Variants in METTL6 observed in about 807,000 individuals in gnomAD.
METTL6 encodes tRNA N(3)-cytidine methyltransferase METTL6.
In METTL6, 22 loss-of-function variants were observed where a neutral mutation model predicts 26.4. The ratio of observed to expected loss-of-function variants is 0.83; its 90% CI spans 0.59 to 1.19. The LOEUF (loss-of-function observed/expected upper bound fraction) is 1.19. Ranked by LOEUF, METTL6 falls within the 50% of genes most tolerant of loss-of-function variation. The probability of loss-of-function intolerance (pLI) is 0.00; values close to 1 mark genes in which losing one functional copy is unlikely to be tolerated. For synonymous variants in METTL6, 109 were observed against 116.2 expected (o/e 0.94, Z 0.40); for missense variants, 304 against 324.8 (o/e 0.94, Z 0.49).
At chr3:15,425,891 T>C (rs1026976973) in intron 2 of METTL6, among the ~76,000 whole-genome samples, 1 of 152,242 alleles carries the variant, frequency 6.6e-6, no homozygotes, top group Non-Finnish European at 1.5e-5. Context: ...ATAGGCTTCT[T>C]AAATTCTCTA....
In METTL6 at chr3:15,411,135, TC is replaced by T; in HGVS notation, c.*120del. 2 of 1,086,878 alleles carry T rather than the reference TC, an allele frequency of 1.8e-6. No individual in the cohort carries two copies. The highest frequency in any genetic ancestry group is 1.3e-6 in the Non-Finnish European group (1 of 772,232). 67.3% of individuals were successfully genotyped at this position (1,086,878 alleles called of 1,614,324 possible). ...GTCTCAAACTCCTGACCTCAGATGA[TC>T]CCCCAACCTCGGCCTCCCGAAGTGC... On this transcript the variant is annotated 3_prime_UTR_variant, in exon 6 of 6. Transcript: ENST00000383790.
At chr3:15,393,470 T>A (rs957325355) in intron 6 of METTL6, among the ~76,000 whole-genome samples, 3 of 152,218 alleles carry the variant, frequency 2.0e-5, no homozygotes, top group Non-Finnish European at 2.9e-5. Flanking sequence ...CCTCTTTTCA[T>A]GATTGAATAC....
At chr3:15,391,275 C>T (rs1461028520) in intron 6 of METTL6, among the ~76,000 whole-genome samples, 3 of 152,184 alleles carry the variant, frequency 2.0e-5, no homozygotes, top group Non-Finnish European at 4.4e-5. Flanking sequence ...AAAAATGGGG[C>T]TCCTGTTTTC....
chr3:15,420,096 G>A (rs1490395023), intron 3 of METTL6, among the ~76,000 whole-genome samples: 1 of 152,022 alleles, frequency 6.6e-6, no homozygotes, highest in Admixed American at 6.6e-5. Context: ...TCCTGACCTC[G>A]TGATCTGCCC....
chr3:15,416,080 A>C (rs920324284), intron 3 of METTL6, 138 bp from the exon 4 acceptor site: 1 of 705,392 alleles, frequency 1.4e-6, no homozygotes, highest in South Asian at 2.0e-5. Flanking sequence ...AAACTGATTA[A>C]TAAATCACTC....
chr3:15,412,479 G>T (rs9841038), intron 5 of METTL6, among the ~76,000 whole-genome samples: 76,374 of 151,742 alleles, frequency 0.5, 19,598 homozygotes, highest in African/African-American at 0.59. Context: ...TTTGCATTTT[G>T]TTTTGTTTTG....
chr3:15,399,582 T>TGTGTGTG (rs1325818559), intron 6 of METTL6: 1 of 71,560 alleles, frequency 1.4e-5, no homozygotes, highest in Non-Finnish European at 3.0e-5. Flanking sequence ...GTGTGTGTGT[T>TGTGTGTG]GGAGGCTGGG....
intron 5 of METTL6, among the ~76,000 whole-genome samples, chr3:15,412,311 T>C (rs922736773): frequency 6.6e-6 from 1 of 151,986 alleles, no homozygotes; most frequent in Non-Finnish European, 1.5e-5. Context: ...ACAGAATAAA[T>C]GGTGAGGCAG....
exon 7 of METTL6, chr3:15,382,703 C>T (rs1196548088): frequency 6.7e-6 from 1 of 148,998 alleles, no homozygotes; most frequent in Non-Finnish European, 1.5e-5. Context: ...AGCATGTGTA[C>T]CTAGTTAGGA....
chr3:15,405,632 C>T (rs959536653), downstream of METTL6, among the ~76,000 whole-genome samples: 35 of 152,260 alleles, frequency 2.3e-4, 1 homozygote, highest in African/African-American at 8.4e-4. Flanking sequence ...CCTTGTGGTA[C>T]AACATTCAAA....
intron 3 of METTL6, among the ~76,000 whole-genome samples, chr3:15,423,319 G>A (rs1306307218): frequency 3.9e-5 from 6 of 152,240 alleles, no homozygotes; most frequent in Admixed American, 3.9e-4. Context: ...CTTGAACCCA[G>A]GAGGTGGAGG....
At chr3:15,424,675 A>AT (rs1224474354) in intron 3 of METTL6, among the ~76,000 whole-genome samples, 2 of 152,238 alleles carry the variant, frequency 1.3e-5, no homozygotes, top group African/African-American at 4.8e-5. Flanking sequence ...ATGTCTTGAC[A>AT]TTTGTAATAT....
intron 4 of METTL6, chr3:15,414,784 C>G (rs7652289): frequency 0.79 from 353,363 of 447,612 alleles, 140,540 homozygotes; most frequent in East Asian, 0.94. Context: ...TTAGCTGGAT[C>G]TGGTAGTGCG....
At chr3:15,390,914 T>C (rs1288887390) in intron 6 of METTL6, among the ~76,000 whole-genome samples, 6 of 151,650 alleles carry the variant, frequency 4.0e-5, no homozygotes, top group Non-Finnish European at 1.5e-5. Flanking sequence ...TCAAGTCACA[T>C]GAACAGATTG....
At chr3:15,424,893 C>A (rs1003721255) in intron 3 of METTL6, 62 bp downstream of exon 3, 22 of 1,604,180 alleles carry the variant, frequency 1.4e-5, no homozygotes, top group Admixed American at 1.8e-5. Flanking sequence ...ATAAAAAAGG[C>A]AGATCAAACA....
At chr3:15,427,558 C>T (rs889099199), upstream of METTL6, 7 of 553,086 alleles carry the variant, frequency 1.3e-5, no homozygotes, top group South Asian at 2.1e-5. Context: ...GAAGTTCCTA[C>T]CCGACGCCGG....
downstream of METTL6, among the ~76,000 whole-genome samples, chr3:15,406,761 GA>G (rs907398513): frequency 9.4e-5 from 14 of 149,298 alleles, no homozygotes; most frequent in African/African-American, 3.0e-4. Context: ...TCAGCTTCTC[GA>G]GTAGCTGAGA....
rs369362229 is a variant in METTL6 at position 15,414,011 on chromosome 3, T to C, written c.673+10A>G. On this transcript the variant is annotated intron_variant, in intron 5 of 5. Coordinates refer to ENST00000383790, the MANE Select transcript of METTL6 (RefSeq NM_152396.4). ...TAAAACATTTAAAGACTGGATTCCA[T>C]TCATCTTACCATCAGTAAAAAAATA... 1 of 1,613,962 alleles carries C rather than the reference T, an allele frequency of 6.2e-7. No homozygotes were observed. Among genetic ancestry groups the C allele is most frequent in the Non-Finnish European group, 8.5e-7 (1 of 1,179,950 alleles).
chr3:15,402,805 A>G (rs907993848), intron 6 of METTL6, among the ~76,000 whole-genome samples: 1 of 151,840 alleles, frequency 6.6e-6, no homozygotes, highest in East Asian at 1.9e-4. Flanking sequence ...CAAAAGGCCA[A>G]TCTTAGGTTC....
Sources: allele counts gnomAD v4.1 joint callset (sites outside exome capture counted in the v4.1 genomes callset), GRCh38; gene constraint gnomAD v4.1.1; transcripts MANE v1.5; gene names NCBI Gene and HGNC (gene_info 2026-07-23, HGNC 2026-07-21).